The following MAP2K5 variants were observed in gnomAD, a reference collection of about 807,000 sequenced individuals.
MAP2K5 encodes dual specificity mitogen-activated protein kinase kinase 5.
Under a neutral mutation model 83.1 loss-of-function variants are expected in MAP2K5, and 49 were observed. The ratio of observed to expected loss-of-function variants is 0.59; its 90% CI spans 0.47 to 0.75. The LOEUF (loss-of-function observed/expected upper bound fraction) is 0.75. Among genes scored for constraint, MAP2K5 ranks in the 30% least tolerant of loss-of-function variants. The pLI is 0.00. For missense variants in MAP2K5, 457 were observed against 557.5 expected (o/e 0.82, Z 1.82); for synonymous variants, 202 against 191.8 (o/e 1.05, Z -0.44).
At chr15:67,633,357 G>A (rs1380256052) in intron 9 of MAP2K5, among the ~76,000 whole-genome samples, 1 of 152,188 alleles carries the variant, frequency 6.6e-6, no homozygotes, top group South Asian at 2.1e-4. Flanking sequence ...CAGGAGAGGG[G>A]AACACTGTTA....
intron 16 of MAP2K5, among the ~76,000 whole-genome samples, chr15:67,710,496 AGT>A (rs1491211878): frequency 4.7e-5 from 6 of 127,090 alleles, no homozygotes; most frequent in African/African-American, 1.7e-4. Context: ...CATCTTCTGA[AGT>A]TTTTTTTTTT....
intron 21 of MAP2K5, among the ~76,000 whole-genome samples, chr15:67,791,717 C>T (rs2090522015): frequency 6.6e-6 from 1 of 152,140 alleles, no homozygotes; most frequent in African/African-American, 2.4e-5. Flanking sequence ...GTTGTTGTGA[C>T]ACTGAAATAA....
At chr15:67,731,421 G>T (rs948248354) in intron 17 of MAP2K5, among the ~76,000 whole-genome samples, 1 of 152,110 alleles carries the variant, frequency 6.6e-6, no homozygotes, top group African/African-American at 2.4e-5. Context: ...TTGTTTTGTG[G>T]GTTGGGTCTT....
chr15:67,770,022 A>G lies in MAP2K5; in HGVS notation c.1196+359A>G, dbSNP rs778357105. 1 of 168,618 alleles carries G rather than the reference A, an allele frequency of 5.9e-6. No homozygotes were observed. The highest frequency in any genetic ancestry group is 1.3e-5 in the Non-Finnish European group (1 of 79,322). 10.4% of individuals were successfully genotyped at this position (168,618 alleles called of 1,614,324 possible). A position where few individuals can be genotyped will look rare whatever the true frequency, so the allele number is the denominator to read the frequency against. ...GCTTATTTTTATTAATGTAACCTCAAGTTACCCATAAAACTGTCTTGTCAC... is the reference window on the plus strand; with the variant it reads ...GCTTATTTTTATTAATGTAACCTCAGGTTACCCATAAAACTGTCTTGTCAC... On this transcript the variant is annotated intron_variant, in intron 20 of 21. Coordinates refer to ENST00000178640, the MANE Select transcript of MAP2K5 (RefSeq NM_145160.3). The surrounding 1 kb of genome is among the most constrained non-coding windows in gnomAD (Gnocchi z 5.0).
At chr15:67,670,394 G>C (rs1318804981) in intron 13 of MAP2K5, 1 of 455,410 alleles carries the variant, frequency 2.2e-6, no homozygotes, top group Non-Finnish European at 4.4e-6. Flanking sequence ...TTTTGTGGTA[G>C]TTACATGGTT....
intron 21 of MAP2K5, among the ~76,000 whole-genome samples, chr15:67,791,792 A>G (rs1358639972): frequency 1.3e-5 from 2 of 152,256 alleles, no homozygotes; most frequent in South Asian, 2.1e-4. Flanking sequence ...ATCAGTAAAT[A>G]TAAGCATTTC....
intron 13 of MAP2K5, among the ~76,000 whole-genome samples, chr15:67,686,569 C>T (rs948193926): frequency 2.6e-5 from 4 of 151,382 alleles, no homozygotes; most frequent in African/African-American, 9.7e-5. Flanking sequence ...CATCACTGCA[C>T]TCCAGCCTGG....
chr15:67,607,534 G>A (rs552026777), intron 8 of MAP2K5, among the ~76,000 whole-genome samples: 1 of 152,256 alleles, frequency 6.6e-6, no homozygotes, highest in South Asian at 2.1e-4. Flanking sequence ...TTGGCATCCA[G>A]CCAACATGAC....
rs1376276339 is a variant in MAP2K5, at chr15:67,708,888, C to T, written c.1044+5480C>T. Among the ~76,000 whole-genome samples the T allele has an allele frequency of 2.0e-5, 3 of 152,048 alleles. No homozygotes were observed. The highest frequency in any genetic ancestry group is 6.6e-5 in the Admixed American group (1 of 15,260). On this transcript the variant is annotated intron_variant, in intron 16 of 21. Transcript: ENST00000178640. This position sits in a 1 kb window ranked among gnomAD's most constrained non-coding sequence, Gnocchi z 4.9. ...ACTATCTTTTATCCAGGGACAGAAT[C>T]GCTTCTCTCTCCTTTCAGTACAGTA...
At chr15:67,752,639 C>T (rs1343355029) in intron 19 of MAP2K5, among the ~76,000 whole-genome samples, 1 of 150,094 alleles carries the variant, frequency 6.7e-6, no homozygotes, top group Admixed American at 6.6e-5. Flanking sequence ...GATAAGAGCA[C>T]TGCACTCCAG....
At chr15:67,596,843 T>A (rs1282382789) in intron 7 of MAP2K5, among the ~76,000 whole-genome samples, 1 of 152,230 alleles carries the variant, frequency 6.6e-6, no homozygotes, top group Non-Finnish European at 1.5e-5. Context: ...TTTACTTTTT[T>A]AGTCAAAACA....
At chr15:67,592,448 A>G (rs1410454436) in intron 6 of MAP2K5, among the ~76,000 whole-genome samples, 2 of 152,158 alleles carry the variant, frequency 1.3e-5, no homozygotes, top group Non-Finnish European at 2.9e-5. Context: ...GAATACCAGG[A>G]TTTATTTGTA....
At chr15:67,651,805 G>A (rs1321121255) in intron 11 of MAP2K5, among the ~76,000 whole-genome samples, 3 of 152,148 alleles carry the variant, frequency 2.0e-5, no homozygotes, top group Non-Finnish European at 2.9e-5. Flanking sequence ...ATTGTGAATA[G>A]TGCTGCAGTA....
intron 17 of MAP2K5, among the ~76,000 whole-genome samples, chr15:67,729,950 G>A (rs1340014011): frequency 1.3e-5 from 2 of 152,264 alleles, no homozygotes; most frequent in Non-Finnish European, 2.9e-5. Flanking sequence ...TCCCTAGTTA[G>A]CAACAACCTT....
chr15:67,732,739 G>A (rs1225702327), intron 17 of MAP2K5, among the ~76,000 whole-genome samples: 1 of 151,604 alleles, frequency 6.6e-6, no homozygotes, highest in Non-Finnish European at 1.5e-5. Context: ...TGCTCCATAT[G>A]GAGCTCCAGA....
chr15:67,623,530 C>T (rs2086235037), intron 8 of MAP2K5, among the ~76,000 whole-genome samples: 1 of 151,518 alleles, frequency 6.6e-6, no homozygotes. Flanking sequence ...GACACTACTG[C>T]TCTTTAAGTC....
intron 8 of MAP2K5, among the ~76,000 whole-genome samples, chr15:67,612,165 C>G (rs1014698503): frequency 3.4e-5 from 5 of 147,926 alleles, no homozygotes; most frequent in Admixed American, 2.1e-4. Flanking sequence ...TTTGGACTTG[C>G]TGGTCTTTAT....
At chr15:67,711,008 TA>T (rs748031548) in intron 16 of MAP2K5, among the ~76,000 whole-genome samples, 11 of 152,226 alleles carry the variant, frequency 7.2e-5, no homozygotes, top group Admixed American at 2.6e-4. Context: ...CAGCTGAAGG[TA>T]ATATCTTCTT....
intron 11 of MAP2K5, among the ~76,000 whole-genome samples, chr15:67,649,785 T>C (rs1211808513): frequency 6.6e-6 from 1 of 152,226 alleles, no homozygotes; most frequent in South Asian, 2.1e-4. Flanking sequence ...GAAGTGTAAG[T>C]GCTCCAACTT....
Sources: gnomAD v4.1 joint callset for allele counts (sites outside exome capture counted in the v4.1 genomes callset) on GRCh38, gnomAD v4.1.1 for gene constraint, Gnocchi (gnomAD v3.1) non-coding constraint, MANE v1.5 for transcripts, NCBI Gene and HGNC (gene_info 2026-07-23, HGNC 2026-07-21) for gene names.